PLCB3: variants seen among roughly 807,000 people sequenced by gnomAD.
PLCB3 encodes the protein phospholipase C beta 3.
In PLCB3, 54 loss-of-function variants were observed where a neutral mutation model predicts 152.1. That is an observed-to-expected ratio of 0.36 (90% CI 0.29 to 0.45). The LOEUF (loss-of-function observed/expected upper bound fraction) is 0.45. Ranked by LOEUF, PLCB3 falls within the 20% of genes least tolerant of loss-of-function variation. PLCB3 has a pLI of 1.00. For missense variants in PLCB3, 1,248 were observed against 1,687.5 expected, an observed-to-expected ratio of 0.74 and a Z score of 4.56; for synonymous variants, 717 against 698.7, an observed-to-expected ratio of 1.03 and a Z score of -0.41.
intron 20 of PLCB3, 35 bp downstream of exon 20, chr11:64,263,632 G>A: frequency 6.2e-7 from 1 of 1,604,160 alleles, no homozygotes; most frequent in East Asian, 2.2e-5. Context: ...AGCACAGCGG[G>A]CAGTGGGTAG....
chr11:64,255,515 C>G lies in PLCB3; in HGVS notation c.522-26C>G. ...CTTGGTGACCTTTGTCCTCCACTGA[C>G]CCTGAACCCCTCCTGCCCGCATCAG... On this transcript the variant is annotated intron_variant, in intron 6 of 30. Transcript: ENST00000279230. This position sits in a 1 kb window ranked among gnomAD's most constrained non-coding sequence, Gnocchi z 6.8. 6.2e-7 allele frequency: 1 copy of G among 1,614,058 alleles called. No homozygotes were observed. The highest frequency in any genetic ancestry group is 8.5e-7 in the Non-Finnish European group (1 of 1,179,914).
downstream of PLCB3, among the ~76,000 whole-genome samples, chr11:64,268,209 CT>C (rs2032231137): frequency 6.6e-6 from 1 of 152,204 alleles, no homozygotes. Flanking sequence ...TTCAGGAAGC[CT>C]TCCCTGCCCC....
rs779105662 is a variant in PLCB3 at position 64,254,834 on chromosome 11, G to T, written c.246+18G>T. 36 of 1,613,784 alleles carry T rather than the reference G, an allele frequency of 2.2e-5. No individual in the cohort carries two copies. Among genetic ancestry groups the T allele is most frequent in the Admixed American group, 5.0e-5 (3 of 60,000 alleles). On this transcript the variant is annotated intron_variant, in intron 3 of 30. Coordinates refer to ENST00000279230, the MANE Select transcript of PLCB3 (RefSeq NM_000932.5). ...TGCCCAAGGTGAGTGATGAGCCTGG[G>T]AGTGAAGACCACAGCGAGGCTGTGC...
chr11:64,253,749 C>T (rs1056652214), intron 1 of PLCB3, among the ~76,000 whole-genome samples: 8 of 152,144 alleles, frequency 5.3e-5, no homozygotes, highest in Non-Finnish European at 8.8e-5. Flanking sequence ...GCCAGCTGCA[C>T]GGCTGTTTGA....
At position 64,255,877 on chromosome 11, in the gene PLCB3, A is replaced by G. The variant is rs1028284561; in HGVS notation, c.698+56A>G. The G allele has an allele frequency of 3.0e-6, 4 of 1,318,820 alleles. No individual in the cohort carries two copies. Among genetic ancestry groups the G allele is most frequent in the Non-Finnish European group, 4.4e-6 (4 of 912,032 alleles). 81.7% of individuals were successfully genotyped at this position (1,318,820 alleles called of 1,614,324 possible). ...TGTGCTCTGTGTTTAGCTTCTGCTT[A>G]GCGTGCCTCTAGCTCAATGGGGAGA... is the stretch of plus-strand genomic sequence containing the variant. On this transcript the variant is annotated intron_variant, in intron 8 of 30. Transcript: ENST00000279230. This position sits in a 1 kb window ranked among gnomAD's most constrained non-coding sequence, Gnocchi z 6.8.
chr11:64,261,485 A>C lies in PLCB3; in HGVS notation c.1817A>C (p.Glu606Ala), dbSNP rs975288380. The C allele has an allele frequency of 8.7e-6, 14 of 1,613,864 alleles. No individual in the cohort carries two copies. The highest frequency in any genetic ancestry group is 1.2e-5 in the Non-Finnish European group (14 of 1,179,834). The stretch of plus-strand genomic sequence containing the variant: ...GAACCTGTCAAGTTCAAGTCCTTTG[A>C]GGCTGCTCGAAGTGAGTGGGGGTGG... ...YIEPVKFKSF[E>A]AARKRNKCFE... Residue 606 changes from glutamate (E) to alanine (A), a missense_variant, in exon 15 of 31, where the codon GAG becomes GCG. Glu to Ala is a moderately radical substitution (Grantham distance 107, BLOSUM62 -1). Around this residue, in one of 6 missense-constraint regions of PLCB3, gnomAD observed 244 missense variants for 424.4 expected, o/e 0.57. Coordinates refer to ENST00000279230, the MANE Select transcript of PLCB3 (RefSeq NM_000932.5).
rs2031648785 is a variant in PLCB3, at chr11:64,258,324, TC to T, written c.1013-148del. ...AGTCTCAGGGATGACTCCCCCCAGC[TC>T]ACGCTGGTGGGATGGACAGGTGGTG... On this transcript the variant is annotated intron_variant, in intron 10 of 30. Transcript: ENST00000279230. This position sits in a 1 kb window ranked among gnomAD's most constrained non-coding sequence, Gnocchi z 7.2. The T allele has an allele frequency of 6.0e-6, 5 of 839,078 alleles. No homozygotes were observed. 52.0% of individuals were successfully genotyped at this position (839,078 alleles called of 1,614,324 possible).
At position 64,256,661 on chromosome 11, in the gene PLCB3, G is replaced by A; in HGVS notation, c.909G>A (p.Glu303=). ...GCTTTAGCCGCTACCTGGGAGGCGAGGAGAATGGCATCCTGCCCCTGGAAG... is the reference window on the plus strand; with the variant it reads ...GCTTTAGCCGCTACCTGGGAGGCGAAGAGAATGGCATCCTGCCCCTGGAAG... The part of the protein sequence containing the change: ...MEGFSRYLGG[E]ENGILPLEAL... The change falls in exon 10 of 31, where the codon GAG becomes GAA. Residue 303 remains glutamate (E), a synonymous_variant. Transcript: ENST00000279230. 1.2e-6 allele frequency: 2 copies of A among 1,614,218 alleles called. No homozygotes were observed. The highest frequency in any genetic ancestry group is 1.1e-5 in the South Asian group (1 of 91,090).
chr11:64,264,531 C>T (rs767025471), intron 22 of PLCB3, among the ~76,000 whole-genome samples: 6 of 152,164 alleles, frequency 3.9e-5, no homozygotes, highest in Non-Finnish European at 8.8e-5. Context: ...ATTAGGGCTG[C>T]CTGGAGCTGT....
At chr11:64,263,300 A>C in intron 19 of PLCB3, 198 bp from the exon 20 acceptor site, 1 of 564,180 alleles carries the variant, frequency 1.8e-6, no homozygotes, top group Non-Finnish European at 3.1e-6. Flanking sequence ...CAGGGTCCTG[A>C]TGGCTGCAGT....
rs912212228 is a variant in PLCB3 at position 64,267,215 on chromosome 11, C to T, written c.3445C>T (p.Arg1149Cys). 8 of 1,550,462 alleles carry T rather than the reference C, an allele frequency of 5.2e-6. No homozygotes were observed. The highest frequency in any genetic ancestry group is 1.4e-5 in the African/African-American group (1 of 73,020). The change falls in exon 30 of 31, where the codon CGT (arginine) becomes TGT (cysteine). Residue 1149 changes from arginine (R) to cysteine (C), a missense_variant. Arg to Cys is a radical substitution (Grantham distance 180). This residue lies in a region of PLCB3 where 477 missense variants were observed against 489.6 expected (regional missense o/e 0.97). Coordinates refer to ENST00000279230, the MANE Select transcript of PLCB3 (RefSeq NM_000932.5). The surrounding 1 kb of genome is among the most constrained non-coding windows in gnomAD (Gnocchi z 5.2). ...LEEAQKQRHD[R>C]LVAGQQQVLQ... ...GGAGGCCCAGAAGCAGCGGCATGAC[C>T]GTCTTGTGGCTGGGCAGCAGCAGGT... is the stretch of plus-strand genomic sequence containing the variant.
rs775167786 is a variant in PLCB3 at position 64,265,010 on chromosome 11, G to A, written c.2712G>A (p.Pro904=). ...AGTCTCAGCAGCTGGGGTCTCAGCC[G>A]TCCTCAAACCCCACCCCCAGCCCAC... is the stretch of plus-strand genomic sequence containing the variant. The part of the protein sequence containing the change: ...DTQSQQLGSQ[P]SSNPTPSPLD... The change falls in exon 23 of 31, where the codon CCG becomes CCA. Residue 904 remains proline (P), a synonymous_variant. Coordinates refer to ENST00000279230, the MANE Select transcript of PLCB3 (RefSeq NM_000932.5). The A allele has an allele frequency of 3.0e-5, 48 of 1,609,744 alleles. No individual in the cohort carries two copies. The highest frequency in any genetic ancestry group is 1.1e-4 in the South Asian group (10 of 90,978).
At chr11:64,254,664 C>A in intron 2 of PLCB3, 84 bp from the exon 3 acceptor site, 2 of 1,492,924 alleles carry the variant, frequency 1.3e-6, no homozygotes, top group Non-Finnish European at 1.9e-6. Context: ...GCTGGCCATT[C>A]CCTGGCCTGG....
At chr11:64,256,348 T>C in intron 8 of PLCB3, 28 bp from the exon 9 acceptor site, 5 of 1,608,968 alleles carry the variant, frequency 3.1e-6, no homozygotes, top group Non-Finnish European at 4.2e-6. Flanking sequence ...CCAGGCTCCA[T>C]CCTGACCCAG....
At position 64,255,673 on chromosome 11, in the gene PLCB3, C is replaced by A. The variant is rs368776876; in HGVS notation, c.598-48C>A. ...GTGTCACGGTGGGCACCCACCCTTA[C>A]GGGGCTGCCCGCCCCTGGCTTCTCA... On this transcript the variant is annotated intron_variant, in intron 7 of 30. Coordinates refer to ENST00000279230, the MANE Select transcript of PLCB3 (RefSeq NM_000932.5). This position sits in a 1 kb window ranked among gnomAD's most constrained non-coding sequence, Gnocchi z 6.8. The A allele has an allele frequency of 6.3e-6, 10 of 1,587,102 alleles. No homozygotes were observed. In the East Asian group the frequency reaches 1.4e-4, roughly 22 times the overall value.
In PLCB3 at chr11:64,266,087, G is replaced by A. The variant is rs371103457; in HGVS notation, c.3190-39G>A. Reference sequence around the variant, plus strand: ...GGAAAGCCTGCTGGATAGACCCGTCGTCAGCCCGGCATCACCTGTCAGCTC... The same window carrying A: ...GGAAAGCCTGCTGGATAGACCCGTCATCAGCCCGGCATCACCTGTCAGCTC... On this transcript the variant is annotated intron_variant, in intron 26 of 30. Coordinates refer to ENST00000279230, the MANE Select transcript of PLCB3 (RefSeq NM_000932.5). This position sits in a 1 kb window ranked among gnomAD's most constrained non-coding sequence, Gnocchi z 4.9. 2.5e-5 allele frequency: 40 copies of A among 1,613,820 alleles called. No homozygotes were observed. Among genetic ancestry groups the A allele is most frequent in the Admixed American group, 5.0e-5 (3 of 59,998 alleles).
chr11:64,258,662 T>A lies in PLCB3; in HGVS notation c.1202T>A (p.Phe401Tyr). Reference protein sequence around the residue: ...DVLEAIAETAFKTSPYPVILS... With the variant: ...DVLEAIAETAYKTSPYPVILS... ...CTGGAGGCCATTGCCGAGACTGCCT[T>A]CAAGACCTCGCCCTACCCCGTCATC... is the stretch of plus-strand genomic sequence containing the variant. The change falls in exon 11 of 31, where the codon TTC becomes TAC. Residue 401 changes from phenylalanine (F) to tyrosine (Y), a missense_variant. Physicochemically the swap from Phe to Tyr is conservative, Grantham distance 22. This residue lies in a region of PLCB3 where 122 missense variants were observed against 221.8 expected (regional missense o/e 0.55). Coordinates refer to ENST00000279230, the MANE Select transcript of PLCB3 (RefSeq NM_000932.5). The surrounding 1 kb of genome is among the most constrained non-coding windows in gnomAD (Gnocchi z 7.2). 1.9e-6 allele frequency: 3 copies of A among 1,614,000 alleles called. No homozygotes were observed. Among genetic ancestry groups the A allele is most frequent in the Non-Finnish European group, 2.5e-6 (3 of 1,180,000 alleles).
In PLCB3 at chr11:64,255,288, T is replaced by G; in HGVS notation, c.442T>G (p.Ser148Ala). Residue 148 changes from serine (S) to alanine (A), a missense_variant, in exon 5 of 31, where the codon TCC (serine) becomes GCC (alanine). By Grantham distance (99) the Ser-to-Ala change is moderately conservative. Coordinates refer to ENST00000279230, the MANE Select transcript of PLCB3 (RefSeq NM_000932.5). This position sits in a 1 kb window ranked among gnomAD's most constrained non-coding sequence, Gnocchi z 6.8. ...LAMNILAQNA[S>A]RNTFLRKAYT... ...TATGAACATCCTGGCTCAGAACGCC[T>G]CCCGGAACACCTTCCTGCGCAAAGC... 6.2e-7 allele frequency: 1 copy of G among 1,613,828 alleles called. No individual in the cohort carries two copies.
In PLCB3 at chr11:64,255,821, T is replaced by C. The variant is rs1232722708; in HGVS notation, c.698T>C (p.Ile233Thr). ...GACATTGACAAGATCCTGCTGGAGA[T>C]GTGAGTGGGCCCGGCCTGCCTCACA... ...RPDIDKILLE[I>T]GAKGKPYLTL... is the part of the protein sequence containing the mutation. Residue 233 changes from isoleucine to threonine, a missense_variant and splice_region_variant, in exon 8 of 31, where the codon ATA becomes ACA. Coordinates refer to ENST00000279230, the MANE Select transcript of PLCB3 (RefSeq NM_000932.5). This position sits in a 1 kb window ranked among gnomAD's most constrained non-coding sequence, Gnocchi z 6.8. The C allele has an allele frequency of 4.4e-6, 7 of 1,606,432 alleles. No homozygotes were observed. The Admixed American group carries it at 1.0e-4, about 23-fold the overall frequency.
Sources: gnomAD v4.1 joint callset for allele counts (sites outside exome capture counted in the v4.1 genomes callset) on GRCh38, gnomAD v4.1.1 for gene constraint, gnomAD v4.1.1 regional missense constraint, Gnocchi (gnomAD v3.1) non-coding constraint, MANE v1.5 for transcripts, NCBI Gene and HGNC (gene_info 2026-07-23, HGNC 2026-07-21) for gene names.